Variants in MEF2B observed in about 807,000 individuals in gnomAD.
MEF2B encodes myocyte-specific enhancer factor 2B.
Under a neutral mutation model 32.2 loss-of-function variants are expected in MEF2B, and 15 were observed. The ratio of observed to expected loss-of-function variants is 0.47; its 90% confidence interval spans 0.31 to 0.72. The LOEUF (loss-of-function observed/expected upper bound fraction) is 0.72, where lower values mean the gene tolerates loss of function less well. Among genes scored for constraint, MEF2B ranks in the 30% least tolerant of loss-of-function variants. The pLI is 0.05. For missense variants in MEF2B, 441 were observed against 511.5 expected (o/e 0.86, Z 1.33); for synonymous variants, 205 against 225.6 (o/e 0.91, Z 0.82).
At position 19,149,386 on chromosome 19, in the gene MEF2B, T is replaced by C. The variant is rs766585953; in HGVS notation, c.98A>G (p.Tyr33Cys). The change falls in exon 3 of 9, where the codon TAT (tyrosine) becomes TGT (cysteine). Residue 33 changes from tyrosine to cysteine, a missense_variant. Coordinates refer to ENST00000424583, the MANE Select transcript of MEF2B (RefSeq NM_001145785.2). The part of the protein sequence containing the change: ...KRKFGLMKKA[Y>C]ELSVLCDCEI... ...ACAGTCACAGAGCACGCTCAGCTCA[T>C]AGGCCTTCTTCATCAGCCCGAACTT... The C allele has an allele frequency of 6.2e-7, 1 of 1,614,012 alleles. No individual in the cohort carries two copies. The highest frequency in any genetic ancestry group is 8.5e-7 in the Non-Finnish European group (1 of 1,180,018).
intron 1 of MEF2B, among the ~76,000 whole-genome samples, chr19:19,159,999 C>T (rs1440006180): frequency 4.1e-5 from 6 of 146,636 alleles, no homozygotes; most frequent in African/African-American, 1.5e-4. Context: ...GATGGAGTCT[C>T]GCTCTGTTGC....
intron 2 of MEF2B, 71 bp from the exon 3 acceptor site, chr19:19,149,500 G>A: frequency 6.3e-7 from 1 of 1,592,098 alleles, no homozygotes; most frequent in Non-Finnish European, 8.6e-7. Flanking sequence ...TAGGGGAATT[G>A]GCAGGGCCTA....
intron 3 of MEF2B, 27 bp from the exon 4 acceptor site, chr19:19,147,859 G>A: frequency 6.2e-7 from 1 of 1,608,320 alleles, no homozygotes; most frequent in Non-Finnish European, 8.5e-7. Context: ...CAACAGGGTA[G>A]ACCCTTACCC....
At chr19:19,154,096 C>G (rs1246253975) in intron 1 of MEF2B, among the ~76,000 whole-genome samples, 1 of 151,834 alleles carries the variant, frequency 6.6e-6, no homozygotes, top group African/African-American at 2.4e-5. Context: ...GGATTTTGGT[C>G]TAAGAGTGAT....
At chr19:19,154,625 G>A (rs1215327054) in intron 1 of MEF2B, among the ~76,000 whole-genome samples, 2 of 151,844 alleles carry the variant, frequency 1.3e-5, no homozygotes, top group Non-Finnish European at 2.9e-5. Flanking sequence ...TGTATTTTTA[G>A]TAGAGACAGG....
chr19:19,147,154 A>G lies in MEF2B; in HGVS notation c.423T>C (p.Asp141=). The change falls in exon 5 of 9, where the codon GAT becomes GAC. Residue 141 remains aspartate (D), a synonymous_variant. Transcript: ENST00000424583. ...YPAAPAMPSP[D]VVYGALPPPG... ...GTGGCGGTAAGGCCCCGTATACCAC[A>G]TCTGGGCTGGGCATAGCAGGAGCTG... 1 of 1,589,246 alleles carries G rather than the reference A, an allele frequency of 6.3e-7. No individual in the cohort carries two copies. Among genetic ancestry groups the G allele is most frequent in the South Asian group, 1.1e-5 (1 of 87,894 alleles).
intron 6 of MEF2B, 21 bp downstream of exon 6, chr19:19,146,721 C>T (rs780064033): frequency 1.2e-5 from 20 of 1,613,818 alleles, no homozygotes; most frequent in Admixed American, 1.7e-5. Flanking sequence ...ATCAGCCCTG[C>T]CACACCCTCC....
At chr19:19,169,932 T>TAACTCTCC (rs1429633802) in intron 1 of MEF2B, among the ~76,000 whole-genome samples, 5 of 152,036 alleles carry the variant, frequency 3.3e-5, no homozygotes, top group African/African-American at 1.2e-4. Flanking sequence ...GACACACAGC[T>TAACTCTCC]AACTCTCCAA....
chr19:19,147,870 CT>C lies in MEF2B; in HGVS notation c.259-39del, dbSNP rs1478830096. The stretch of plus-strand genomic sequence containing the variant: ...GAGACAACAGGGTAGACCCTTACCC[CT>C]ACCCCACCCAGGGAACCCAGTTCTA... On this transcript the variant is annotated intron_variant, in intron 3 of 8. Coordinates refer to ENST00000424583, the MANE Select transcript of MEF2B (RefSeq NM_001145785.2). The C allele has an allele frequency of 1.9e-6, 3 of 1,589,814 alleles. No individual in the cohort carries two copies. In the African/African-American group the frequency reaches 4.0e-5, roughly 21 times the overall value.
At position 19,160,717 on chromosome 19, in the gene MEF2B, C is replaced by T. The variant is rs562005686; in HGVS notation, c.-30+9488G>A. 1.8e-3 allele frequency among the ~76,000 whole-genome samples: 281 copies of T among 152,184 alleles called. 3 individuals carry two copies. The highest frequency in any genetic ancestry group is 1.6e-3 in the Non-Finnish European group (108 of 67,994). ...CTGCAGCGAATCAGGCCTGCCGCCC[C>T]GCCTCACGCAACCCAGGCTGTGGTT... On this transcript the variant is annotated intron_variant, in intron 1 of 8. Transcript: ENST00000424583.
chr19:19,147,879 C>G, intron 3 of MEF2B, 47 bp from the exon 4 acceptor site: 1 of 1,579,610 alleles, frequency 6.3e-7, no homozygotes, highest in Non-Finnish European at 8.6e-7. Context: ...CCTACCCCAC[C>G]CAGGGAACCC....
At chr19:19,149,474 T>C in intron 2 of MEF2B, 45 bp from the exon 3 acceptor site, 1 of 1,611,302 alleles carries the variant, frequency 6.2e-7, no homozygotes, top group Non-Finnish European at 8.5e-7. Context: ...GAAGAAGAGA[T>C]GAATGTGGGG....
chr19:19,150,479 G>A (rs937114437), intron 2 of MEF2B, among the ~76,000 whole-genome samples: 1 of 144,886 alleles, frequency 6.9e-6, no homozygotes, highest in Non-Finnish European at 1.5e-5. Flanking sequence ...AGCTGAGATT[G>A]CACCATTGCA....
At chr19:19,146,061 G>A (rs2238663) in intron 8 of MEF2B, 39 bp from the exon 9 acceptor site, 456,350 of 1,392,642 alleles carry the variant, frequency 0.33, 75,526 homozygotes, top group Admixed American at 0.36. Context: ...TGAGCTCAGC[G>A]AGGAAGGGAA....
At chr19:19,154,178 T>A (rs2060104796) in intron 1 of MEF2B, among the ~76,000 whole-genome samples, 1 of 152,028 alleles carries the variant, frequency 6.6e-6, no homozygotes, top group Non-Finnish European at 1.5e-5. Flanking sequence ...ATATATATAT[T>A]TTTGAGATGG....
chr19:19,161,618 C>T lies in MEF2B; in HGVS notation c.-30+8587G>A, dbSNP rs143772593. 4.5e-3 allele frequency among the ~76,000 whole-genome samples: 689 copies of T among 152,028 alleles called. 9 individuals are homozygous for T. The highest frequency in any genetic ancestry group is 4.4e-3 in the Non-Finnish European group (302 of 67,972). On this transcript the variant is annotated intron_variant, in intron 1 of 8. Coordinates refer to ENST00000424583, the MANE Select transcript of MEF2B (RefSeq NM_001145785.2). Reference sequence around the variant, plus strand: ...AATGCACAGACACATACAGATCTCCCTAAACACATGGCCGTCCCGCAAATA... The same window carrying T: ...AATGCACAGACACATACAGATCTCCTTAAACACATGGCCGTCCCGCAAATA...
Position 19,146,367 on chromosome 19 carries a change from G to C in MEF2B, c.787C>G (p.Pro263Ala). Reference protein sequence around the residue: ...GGPPEYGLGDPPPPPGLLQPP... With the variant: ...GGPPEYGLGDAPPPPGLLQPP... ...TGCAACAAGCCAGGGGGCGGTGGAG[G>C]GTCTCCCAGGCCATATTCTGGTGGG... The change falls in exon 8 of 9, where the codon CCT (proline) becomes GCT (alanine). Residue 263 changes from proline to alanine, a missense_variant. Coordinates refer to ENST00000424583, the MANE Select transcript of MEF2B (RefSeq NM_001145785.2). 1 of 1,104,942 alleles carries C rather than the reference G, an allele frequency of 9.1e-7. No individual in the cohort carries two copies. The highest frequency in any genetic ancestry group is 1.2e-6 in the Non-Finnish European group (1 of 819,388). 68.4% of individuals were successfully genotyped at this position (1,104,942 alleles called of 1,614,324 possible).
intron 1 of MEF2B, among the ~76,000 whole-genome samples, chr19:19,152,380 C>CAAAAAAAAAAA (rs749560348): frequency 8.8e-6 from 1 of 113,366 alleles, no homozygotes. Flanking sequence ...GACTCTGTCT[C>CAAAAAAAAAAA]AAAAAAAAAA....
At chr19:19,168,452 T>A (rs1349163163) in intron 1 of MEF2B, among the ~76,000 whole-genome samples, 1 of 151,848 alleles carries the variant, frequency 6.6e-6, no homozygotes, top group Non-Finnish European at 1.5e-5. Context: ...TTTGTATTTT[T>A]AGTAGAGATG....
Sources: gnomAD v4.1 joint callset for allele counts (sites outside exome capture counted in the v4.1 genomes callset) on GRCh38, gnomAD v4.1.1 for gene constraint, MANE v1.5 for transcripts, NCBI Gene and HGNC (gene_info 2026-07-23, HGNC 2026-07-21) for gene names.